The following ZBTB7C variants were observed in gnomAD, a reference collection of about 807,000 sequenced individuals.
The protein encoded by ZBTB7C is zinc finger and BTB domain containing 7C, also known as zinc finger and BTB domain-containing protein 7C.
ZBTB7C carries 8 observed loss-of-function variants against 25.7 expected under a neutral mutation model. That is an observed-to-expected ratio of 0.31 (90% CI 0.18 to 0.56). The LOEUF (loss-of-function observed/expected upper bound fraction) is 0.56. Ranked by LOEUF, ZBTB7C falls within the 20% of genes least tolerant of loss-of-function variation. The probability of loss-of-function intolerance (pLI) is 0.91; values close to 1 mark genes in which losing one functional copy is unlikely to be tolerated. For missense variants in ZBTB7C, 824 were observed against 855.2 expected, an observed-to-expected ratio of 0.96 and a Z score of 0.46; for synonymous variants, 394 against 369.0, an observed-to-expected ratio of 1.07 and a Z score of -0.78.
intron 3 of ZBTB7C, chr18:48,072,492 T>C (rs1236673127): frequency 2.0e-5 from 3 of 152,156 alleles, no homozygotes; most frequent in Non-Finnish European, 4.4e-5. Context: ...CTCCTTCCCA[T>C]GTCCCACTCC....
rs188502305 is a variant in ZBTB7C, at chr18:48,044,919, T to C, written c.-16-3796A>G. Among the ~76,000 whole-genome samples, 662 of 152,342 alleles carry C rather than the reference T, an allele frequency of 4.3e-3. 3 individuals are homozygous for C. The highest frequency in any genetic ancestry group is 8.1e-3 in the Non-Finnish European group (550 of 68,030). ...TTACAGATGAGGGAAATGAAGCCACTAAGAGCTGATACACAGAGGATGAGT... is the reference window on the plus strand; with the variant it reads ...TTACAGATGAGGGAAATGAAGCCACCAAGAGCTGATACACAGAGGATGAGT... On this transcript the variant is annotated intron_variant, in intron 3 of 4. Transcript: ENST00000590800.
Position 48,028,954 on chromosome 18 carries a change from A to G in ZBTB7C, c.*306T>C. The G allele has an allele frequency of 2.7e-6, 1 of 370,090 alleles. No individual in the cohort carries two copies. The highest frequency in any genetic ancestry group is 4.8e-6 in the Non-Finnish European group (1 of 208,154). 22.9% of individuals were successfully genotyped at this position (370,090 alleles called of 1,614,324 possible). ...ACCCCTCATGACTCACCCAGCTCCT[A>G]AGTGCCCCTGGGCACCCAGTTCTTT... On this transcript the variant is annotated 3_prime_UTR_variant, in exon 5 of 5. Coordinates refer to ENST00000590800, the MANE Select transcript of ZBTB7C (RefSeq NM_001318841.2).
At chr18:48,178,386 C>T (rs114884835) in intron 3 of ZBTB7C, among the ~76,000 whole-genome samples, 2,518 of 152,336 alleles carry the variant, frequency 0.017, 63 homozygotes, top group African/African-American at 0.057. Context: ...GCTACCACGT[C>T]GGGCCTCTTC....
chr18:48,269,668 T>C (rs12455475), intron 2 of ZBTB7C, among the ~76,000 whole-genome samples: 32,445 of 152,186 alleles, frequency 0.21, 3,894 homozygotes, highest in Admixed American at 0.34. Context: ...ACCTCTCAAA[T>C]TACAAGAATA....
At chr18:48,383,100 C>G (rs1381646112) in intron 1 of ZBTB7C, among the ~76,000 whole-genome samples, 1 of 152,110 alleles carries the variant, frequency 6.6e-6, no homozygotes, top group African/African-American at 2.4e-5. Context: ...AGCATCTTAG[C>G]CTCAGAAGAC....
chr18:48,093,957 G>A (rs2038520870), intron 3 of ZBTB7C, among the ~76,000 whole-genome samples: 1 of 152,188 alleles, frequency 6.6e-6, no homozygotes, highest in African/African-American at 2.4e-5. Flanking sequence ...TACTTGGGAG[G>A]CTGAGGCAGA....
At chr18:48,124,036 T>A (rs145552556) in intron 3 of ZBTB7C, among the ~76,000 whole-genome samples, 2 of 152,216 alleles carry the variant, frequency 1.3e-5, no homozygotes, top group Non-Finnish European at 2.9e-5. Flanking sequence ...CAAAGCTCTC[T>A]GTGAGGAATC....
intron 3 of ZBTB7C, among the ~76,000 whole-genome samples, chr18:48,086,789 A>G (rs1161208181): frequency 1.3e-5 from 2 of 152,202 alleles, no homozygotes; most frequent in African/African-American, 4.8e-5. Context: ...GTGATGTGCA[A>G]CAGGCTTTAA....
chr18:48,342,280 C>G (rs971657287), intron 1 of ZBTB7C, among the ~76,000 whole-genome samples: 3 of 152,210 alleles, frequency 2.0e-5, no homozygotes, highest in Non-Finnish European at 4.4e-5. Context: ...GTGACTGCAC[C>G]CCCTGCCCAG....
intron 3 of ZBTB7C, among the ~76,000 whole-genome samples, chr18:48,178,588 A>T (rs1399240589): frequency 6.6e-6 from 1 of 152,212 alleles, no homozygotes; most frequent in Non-Finnish European, 1.5e-5. Flanking sequence ...CATGTGGCAG[A>T]ATATGTTCTT....
At chr18:48,298,782 A>G (rs1399529219) in intron 2 of ZBTB7C, among the ~76,000 whole-genome samples, 1 of 151,964 alleles carries the variant, frequency 6.6e-6, no homozygotes, top group Admixed American at 6.5e-5. Flanking sequence ...TCTGCTTGTA[A>G]CCTAGTTCGC....
At chr18:48,348,970 CA>C (rs1215868202) in intron 1 of ZBTB7C, among the ~76,000 whole-genome samples, 1 of 152,198 alleles carries the variant, frequency 6.6e-6, no homozygotes, top group Non-Finnish European at 1.5e-5. Flanking sequence ...CTCACACACA[CA>C]CATGCATCTG....
intron 1 of ZBTB7C, among the ~76,000 whole-genome samples, chr18:48,376,233 G>A (rs1166707261): frequency 3.3e-5 from 5 of 152,284 alleles, no homozygotes; most frequent in African/African-American, 1.2e-4. Context: ...TTCTTCTTAT[G>A]TCCATTCGCA....
intron 2 of ZBTB7C, among the ~76,000 whole-genome samples, chr18:48,322,481 A>C (rs2046119572): frequency 6.6e-6 from 1 of 152,244 alleles, no homozygotes; most frequent in Non-Finnish European, 1.5e-5. Flanking sequence ...CCATGTCAGC[A>C]CTTCTGAGAG....
At chr18:48,234,385 A>G (rs924510278) in intron 2 of ZBTB7C, among the ~76,000 whole-genome samples, 8 of 152,242 alleles carry the variant, frequency 5.3e-5, no homozygotes, top group Non-Finnish European at 1.0e-4. Flanking sequence ...ACAAACATGT[A>G]TGATGAAAAA....
rs1323392518 is a variant in ZBTB7C at position 48,324,650 on chromosome 18, T to C, written c.-79+13524A>G. Among the ~76,000 whole-genome samples the C allele has an allele frequency of 3.3e-5, 5 of 152,278 alleles. No homozygotes were observed. The East Asian group carries it at 9.7e-4, about 29-fold the overall frequency. On this transcript the variant is annotated intron_variant, in intron 2 of 4. Coordinates refer to ENST00000590800, the MANE Select transcript of ZBTB7C (RefSeq NM_001318841.2). ...GGCTGATGAGGTGAGCAGAACCTTG[T>C]AGGCCCTGAGAAGAATATCTTACCT...
At chr18:48,141,145 CA>C (rs63306060) in intron 3 of ZBTB7C, among the ~76,000 whole-genome samples, 67,915 of 122,992 alleles carry the variant, frequency 0.55, 15,821 homozygotes, top group Admixed American at 0.65. Context: ...CCCCCCGCAC[CA>C]CCCCCCCCAC....
chr18:48,173,517 C>T (rs191650534), intron 3 of ZBTB7C, among the ~76,000 whole-genome samples: 80 of 152,300 alleles, frequency 5.3e-4, no homozygotes, highest in Middle Eastern at 6.8e-3. Context: ...GCCTATGATA[C>T]GTCCCCCCTT....
At chr18:48,081,349 C>A (rs781421666) in intron 3 of ZBTB7C, among the ~76,000 whole-genome samples, 5 of 152,184 alleles carry the variant, frequency 3.3e-5, no homozygotes, top group Non-Finnish European at 7.3e-5. Context: ...CATGTCAGGA[C>A]CAACAGACAA....
Sources: gnomAD v4.1 joint callset for allele counts (sites outside exome capture counted in the v4.1 genomes callset) on GRCh38, gnomAD v4.1.1 for gene constraint, MANE v1.5 for transcripts, NCBI Gene and HGNC (gene_info 2026-07-23, HGNC 2026-07-21) for gene names.